MRPS25: variants seen among roughly 807,000 people sequenced by gnomAD.
MRPS25 encodes small ribosomal subunit protein mS25.
MRPS25 carries 15 observed loss-of-function variants against 17.3 expected under a neutral mutation model. The ratio of observed to expected loss-of-function variants is 0.87; its 90% CI spans 0.58 to 1.34. MRPS25 has a LOEUF of 1.34. Ranked by LOEUF, MRPS25 falls within the 40% of genes most tolerant of loss-of-function variation. The probability of loss-of-function intolerance (pLI) is 0.00; values close to 1 mark genes in which losing one functional copy is unlikely to be tolerated. For synonymous variants in MRPS25, 94 were observed against 83.3 expected (o/e 1.13, Z -0.70); for missense variants, 225 against 218.6 (o/e 1.03, Z -0.19).
In MRPS25 at chr3:15,051,502, G is replaced by A. The variant is rs2042605172; in HGVS notation, c.*939C>T. The A allele has an allele frequency of 1.6e-5, 16 of 985,238 alleles. No homozygotes were observed. The highest frequency in any genetic ancestry group is 1.8e-5 in the Non-Finnish European group (15 of 829,932). The allele number at this position is 985,238 out of a possible 1,614,324, so 61.0% of individuals were successfully genotyped here. A position where few individuals can be genotyped will look rare whatever the true frequency, so the allele number is the denominator to read the frequency against. Reference sequence around the variant, plus strand: ...CCAGCCTAGCTAAACCTATTCTTAAGGTGACCCTAGAAGGCTCTGCTGTCT... The same window carrying A: ...CCAGCCTAGCTAAACCTATTCTTAAAGTGACCCTAGAAGGCTCTGCTGTCT... On this transcript the variant is annotated 3_prime_UTR_variant, in exon 4 of 4. Coordinates refer to ENST00000253686, the MANE Select transcript of MRPS25 (RefSeq NM_022497.5).
rs1291024662 is a variant in MRPS25 at position 15,048,522 on chromosome 3, AT to A, written c.*3918del. 5 of 152,676 alleles carry A rather than the reference AT, an allele frequency of 3.3e-5. No homozygotes were observed. Among genetic ancestry groups the A allele is most frequent in the African/African-American group, 9.6e-5 (4 of 41,462 alleles). The allele number at this position is 152,676 out of a possible 1,614,324, so 9.5% of individuals were successfully genotyped here. A position where few individuals can be genotyped will look rare whatever the true frequency, so the allele number is the denominator to read the frequency against. On this transcript the variant is annotated 3_prime_UTR_variant, in exon 4 of 4. Coordinates refer to ENST00000253686, the MANE Select transcript of MRPS25 (RefSeq NM_022497.5). ...TTTATACATGCAAAATAGAAAAAAA[AT>A]GTTCAACATTTATTGATTGATAGAC...
chr3:15,042,701 A>G (rs2042311890), downstream of MRPS25: 1 of 723,014 alleles, frequency 1.4e-6, no homozygotes. Flanking sequence ...GAAATCAGAA[A>G]AGAGAGGTGG....
intron 2 of MRPS25, among the ~76,000 whole-genome samples, chr3:15,058,391 A>G (rs1240297603): frequency 6.6e-6 from 1 of 151,968 alleles, no homozygotes; most frequent in African/African-American, 2.4e-5. Flanking sequence ...GGGTTTCACC[A>G]TGTTAGCCAG....
intron 2 of MRPS25, among the ~76,000 whole-genome samples, chr3:15,056,408 A>G (rs2042674457): frequency 6.6e-6 from 1 of 152,220 alleles, no homozygotes; most frequent in Non-Finnish European, 1.5e-5. Flanking sequence ...CCTAACCCCC[A>G]GAACCTTACA....
At chr3:15,058,534 G>A (rs895304996) in intron 2 of MRPS25, among the ~76,000 whole-genome samples, 1 of 152,160 alleles carries the variant, frequency 6.6e-6, no homozygotes, top group Admixed American at 6.5e-5. Context: ...TCCCTCTGCT[G>A]GATATAATCT....
rs1055047329 is a variant in MRPS25, at chr3:15,051,277, G to A, written c.*1164C>T. ...CATGATTCACTGCAGCCTTGATCTC[G>A]CAGGCTCGAGATCCTCCCACCTCAG... On this transcript the variant is annotated 3_prime_UTR_variant, in exon 4 of 4. Transcript: ENST00000253686. The A allele has an allele frequency of 7.7e-6, 6 of 783,660 alleles. No individual in the cohort carries two copies. Among genetic ancestry groups the A allele is most frequent in the Non-Finnish European group, 9.3e-6 (6 of 645,882 alleles). The allele number at this position is 783,660 out of a possible 1,614,324, so 48.5% of individuals were successfully genotyped here.
In MRPS25 at chr3:15,051,579, G is replaced by C; in HGVS notation, c.*862C>G. 1 of 985,450 alleles carries C rather than the reference G, an allele frequency of 1.0e-6. No homozygotes were observed. Among genetic ancestry groups the C allele is most frequent in the Non-Finnish European group, 1.2e-6 (1 of 829,932 alleles). 61.0% of individuals were successfully genotyped at this position (985,450 alleles called of 1,614,324 possible). ...CATAACTAAAGTGACAGTAACATCA[G>C]TGTCCTATGAGGAAAGAACAAGGAA... On this transcript the variant is annotated 3_prime_UTR_variant, in exon 4 of 4. Transcript: ENST00000253686.
At chr3:15,053,179 G>A in intron 3 of MRPS25, 1 of 1,228,300 alleles carries the variant, frequency 8.1e-7, no homozygotes, top group East Asian at 2.6e-5. Context: ...ACAGCCAAGG[G>A]AGATAAAGCT....
intron 1 of MRPS25, among the ~76,000 whole-genome samples, chr3:15,061,274 T>TC (rs1341303746): frequency 1.3e-5 from 2 of 152,092 alleles, no homozygotes; most frequent in African/African-American, 4.8e-5. Context: ...GAGCCGAAGC[T>TC]GGACTGTACT....
chr3:15,051,045 G>C lies in MRPS25; in HGVS notation c.*1396C>G. ...AGCAGGTAGAGGAATGAAAACTTCAGTCCTGCTCTGTCAAGCACCACTGTC... is the reference window on the plus strand; with the variant it reads ...AGCAGGTAGAGGAATGAAAACTTCACTCCTGCTCTGTCAAGCACCACTGTC... On this transcript the variant is annotated 3_prime_UTR_variant, in exon 4 of 4. Transcript: ENST00000253686. 1.0e-6 allele frequency: 1 copy of C among 981,840 alleles called. No homozygotes were observed. Among genetic ancestry groups the C allele is most frequent in the Non-Finnish European group, 1.2e-6 (1 of 826,682 alleles). 60.8% of individuals were successfully genotyped at this position (981,840 alleles called of 1,614,324 possible). A position where few individuals can be genotyped will look rare whatever the true frequency, so the allele number is the denominator to read the frequency against.
In MRPS25 at chr3:15,065,249, A is replaced by G; in HGVS notation, c.-55T>C. ...GGGCCGCGAGCCGAGCAGCGACGAGAAAGGACTAGCTAGCACCCGCGCGGA... is the reference window on the plus strand; with the variant it reads ...GGGCCGCGAGCCGAGCAGCGACGAGGAAGGACTAGCTAGCACCCGCGCGGA... On this transcript the variant is annotated 5_prime_UTR_variant, in exon 1 of 4. Coordinates refer to ENST00000253686, the MANE Select transcript of MRPS25 (RefSeq NM_022497.5). 1 of 1,534,702 alleles carries G rather than the reference A, an allele frequency of 6.5e-7. No homozygotes were observed.
chr3:15,044,636 C>A (rs918042167), downstream of MRPS25: 1 of 152,236 alleles, frequency 6.6e-6, no homozygotes, highest in Non-Finnish European at 1.5e-5. Context: ...AAATTTGCCT[C>A]TCTTGATTTG....
rs2042833432 is a variant in MRPS25, at chr3:15,064,948, G to A, written c.134+113C>T. The A allele has an allele frequency of 2.9e-6, 4 of 1,373,934 alleles. No homozygotes were observed. In the East Asian group the frequency reaches 7.8e-5, roughly 27 times the overall value. The allele number at this position is 1,373,934 out of a possible 1,614,324, so 85.1% of individuals were successfully genotyped here. On this transcript the variant is annotated intron_variant, in intron 1 of 3. Transcript: ENST00000253686. ...ATGGGGGTAACAGCGCCGACCTGGG[G>A]GGCCCGCCCCGGGGATGAACGGCCG...
At chr3:15,048,142 T>C (rs1266526214), downstream of MRPS25, 1 of 152,672 alleles carries the variant, frequency 6.5e-6, no homozygotes, top group Non-Finnish European at 1.5e-5. Flanking sequence ...TAAAAACACT[T>C]TATGAGACCA....
rs1041232570 is a variant in MRPS25, at chr3:15,050,648, C to G, written c.*1793G>C. 2.0e-6 allele frequency: 2 copies of G among 985,250 alleles called. No homozygotes were observed. Among genetic ancestry groups the G allele is most frequent in the African/African-American group, 3.5e-5 (2 of 57,196 alleles). 61.0% of individuals were successfully genotyped at this position (985,250 alleles called of 1,614,324 possible). On this transcript the variant is annotated 3_prime_UTR_variant, in exon 4 of 4. Transcript: ENST00000253686. Reference sequence around the variant, plus strand: ...GGCTCTCTGTGGAGGAGAGCTTTTTCCACCCAGCCAAAATGCTGATAGCAG... The same window carrying G: ...GGCTCTCTGTGGAGGAGAGCTTTTTGCACCCAGCCAAAATGCTGATAGCAG...
downstream of MRPS25, chr3:15,047,272 G>C (rs574605490): frequency 6.6e-6 from 1 of 152,272 alleles, no homozygotes; most frequent in Non-Finnish European, 1.5e-5. Context: ...GGGTGAGCCT[G>C]CCTGGGAAGG....
intron 2 of MRPS25, among the ~76,000 whole-genome samples, chr3:15,057,495 C>G (rs1251060168): frequency 6.6e-6 from 1 of 152,188 alleles, no homozygotes; most frequent in Admixed American, 6.5e-5. Context: ...GGGTGAATCT[C>G]AAAACATGAG....
chr3:15,051,171 A>G lies in MRPS25; in HGVS notation c.*1270T>C. The G allele has an allele frequency of 1.0e-6, 1 of 985,120 alleles. No individual in the cohort carries two copies. The highest frequency in any genetic ancestry group is 1.2e-6 in the Non-Finnish European group (1 of 829,734). The allele number at this position is 985,120 out of a possible 1,614,324, so 61.0% of individuals were successfully genotyped here. ...CGTGGTCCAACTGGTCCTTCACTTT[A>G]TAATTAAACTTATTTAAAAAATTTT... On this transcript the variant is annotated 3_prime_UTR_variant, in exon 4 of 4. Coordinates refer to ENST00000253686, the MANE Select transcript of MRPS25 (RefSeq NM_022497.5).
At position 15,051,085 on chromosome 3, in the gene MRPS25, T is replaced by C; in HGVS notation, c.*1356A>G. 1.0e-6 allele frequency: 1 copy of C among 985,364 alleles called. No homozygotes were observed. Among genetic ancestry groups the C allele is most frequent in the Non-Finnish European group, 1.2e-6 (1 of 829,858 alleles). 61.0% of individuals were successfully genotyped at this position (985,364 alleles called of 1,614,324 possible). On this transcript the variant is annotated 3_prime_UTR_variant, in exon 4 of 4. Transcript: ENST00000253686. ...GCACCACTGTCCTTTTTTAATTCTT[T>C]TAACCACTGCCTTCCTGTCTCAGAT...
Sources: gnomAD v4.1 joint callset for allele counts (sites outside exome capture counted in the v4.1 genomes callset) on GRCh38, gnomAD v4.1.1 for gene constraint, MANE v1.5 for transcripts, NCBI Gene and HGNC (gene_info 2026-07-23, HGNC 2026-07-21) for gene names.